The following TUSC3 variants were observed in gnomAD, a reference collection of about 807,000 sequenced individuals.
TUSC3 encodes dolichyl-diphosphooligosaccharide--protein glycosyltransferase subunit TUSC3.
A neutral mutation model predicts 44.8 loss-of-function variants in TUSC3; 45 were observed. That is an observed-to-expected ratio of 1.00 (90% CI 0.79 to 1.29). The LOEUF is 1.29. Ranked by LOEUF, TUSC3 falls within the 50% of genes most tolerant of loss-of-function variation. The pLI, the probability that TUSC3 is intolerant of heterozygous loss-of-function variation, is 0.00. For missense variants in TUSC3, 519 were observed against 437.9 expected (o/e 1.19, Z -1.65); for synonymous variants, 212 against 152.9 (o/e 1.39, Z -2.85).
intron 2 of TUSC3, among the ~76,000 whole-genome samples, chr8:15,530,280 C>T (rs773065871): frequency 2.6e-5 from 4 of 152,188 alleles, no homozygotes; most frequent in African/African-American, 9.6e-5. Context: ...CAGATGAGGA[C>T]TTTGCCTATC....
chr8:15,569,554 G>T (rs975818354), intron 1 of TUSC3, among the ~76,000 whole-genome samples: 1 of 152,108 alleles, frequency 6.6e-6, no homozygotes, highest in African/African-American at 2.4e-5. Context: ...TTTAGAAGGA[G>T]CGTGAGTAAA....
the TUSC3 span, among the ~76,000 whole-genome samples, chr8:15,819,813 G>A: frequency 7.4e-4 from 112 of 152,284 alleles, no homozygotes; most frequent in East Asian, 0.017. Context: ...TTCTAGAAAG[G>A]CTGAAATTTT....
intron 2 of TUSC3, among the ~76,000 whole-genome samples, chr8:15,641,757 G>T (rs1032580332): frequency 1.3e-5 from 2 of 152,164 alleles, no homozygotes; most frequent in East Asian, 3.9e-4. Flanking sequence ...AAATTCATGT[G>T]TTACCTATGT....
chr8:15,596,412 C>T (rs1804067321), intron 1 of TUSC3, among the ~76,000 whole-genome samples: 1 of 152,028 alleles, frequency 6.6e-6, no homozygotes, highest in Non-Finnish European at 1.5e-5. Context: ...AGCTAAAGAC[C>T]CTGTGTTCCT....
At chr8:15,804,575 G>A in the TUSC3 span, among the ~76,000 whole-genome samples, 2 of 152,142 alleles carry the variant, frequency 1.3e-5, no homozygotes, top group African/African-American at 4.8e-5. Context: ...TTATTGAATA[G>A]GGAGTACTTT....
chr8:15,566,223 CAT>C (rs1481806358), intron 1 of TUSC3, among the ~76,000 whole-genome samples: 4 of 152,080 alleles, frequency 2.6e-5, no homozygotes, highest in Non-Finnish European at 4.4e-5. Context: ...TAGACTAAAA[CAT>C]AGAATTCAGA....
intron 1 of TUSC3, among the ~76,000 whole-genome samples, chr8:15,608,704 T>G (rs1345191393): frequency 6.6e-6 from 1 of 152,158 alleles, no homozygotes; most frequent in Non-Finnish European, 1.5e-5. Flanking sequence ...TTGCTTTCAC[T>G]TCACTTCTCT....
intron 6 of TUSC3, among the ~76,000 whole-genome samples, chr8:15,689,919 G>A (rs1431018406): frequency 6.7e-6 from 1 of 149,340 alleles, no homozygotes; most frequent in African/African-American, 2.5e-5. Context: ...ACCATTGATG[G>A]ACATTTAGGT....
chr8:15,693,991 T>TA (rs1240015274), intron 6 of TUSC3, among the ~76,000 whole-genome samples: 1 of 152,154 alleles, frequency 6.6e-6, no homozygotes, highest in Admixed American at 6.5e-5. Context: ...CAGCTCAGTT[T>TA]AGTTCTTTGT....
At chr8:15,689,426 A>C (rs34918436) in intron 6 of TUSC3, 41,918 of 199,616 alleles carry the variant, frequency 0.21, 5,474 homozygotes, top group Non-Finnish European at 0.29. Flanking sequence ...TGTTCTTGAT[A>C]CCCATAGTCT....
intron 2 of TUSC3, among the ~76,000 whole-genome samples, chr8:15,634,146 T>C (rs1441305613): frequency 6.6e-6 from 1 of 152,214 alleles, no homozygotes; most frequent in Non-Finnish European, 1.5e-5. Flanking sequence ...ATTAAACTTT[T>C]GCATGAGAAG....
chr8:15,713,491 T>C (rs1809940573), intron 6 of TUSC3, among the ~76,000 whole-genome samples: 1 of 152,142 alleles, frequency 6.6e-6, no homozygotes, highest in Non-Finnish European at 1.5e-5. Flanking sequence ...AATAGATATA[T>C]TAGTTTGCTA....
At chr8:15,466,132 T>C (rs1330728591) in intron 1 of TUSC3, among the ~76,000 whole-genome samples, 1 of 152,174 alleles carries the variant, frequency 6.6e-6, no homozygotes, top group Non-Finnish European at 1.5e-5. Flanking sequence ...AAACAAACTG[T>C]AATGACCTCA....
intron 10 of TUSC3, among the ~76,000 whole-genome samples, chr8:15,763,716 G>C (rs765092295): frequency 6.6e-6 from 1 of 151,900 alleles, no homozygotes; most frequent in Non-Finnish European, 1.5e-5. Flanking sequence ...TGTTTCATCA[G>C]AAATTTTATG....
chr8:15,642,305 T>C (rs1007061600), intron 2 of TUSC3, among the ~76,000 whole-genome samples: 1 of 152,218 alleles, frequency 6.6e-6, no homozygotes, highest in African/African-American at 2.4e-5. Flanking sequence ...TGAATCTCTA[T>C]GCTTTTTATT....
At chr8:15,632,412 A>G (rs1045049362) in intron 2 of TUSC3, among the ~76,000 whole-genome samples, 1 of 152,172 alleles carries the variant, frequency 6.6e-6, no homozygotes, top group African/African-American at 2.4e-5. Context: ...CAGGAGGCCC[A>G]TAATATTAGC....
At chr8:15,430,398 T>C (rs1225765710) in intron 1 of TUSC3, among the ~76,000 whole-genome samples, 4 of 150,714 alleles carry the variant, frequency 2.7e-5, no homozygotes, top group Non-Finnish European at 5.9e-5. Context: ...TCTCAATAGA[T>C]GCAGAAAAGG....
At chr8:15,824,690 A>T in the TUSC3 span, among the ~76,000 whole-genome samples, 2 of 152,174 alleles carry the variant, frequency 1.3e-5, no homozygotes, top group Admixed American at 1.3e-4. Context: ...GCACACCAAC[A>T]TGTACACATA....
intron 6 of TUSC3, among the ~76,000 whole-genome samples, chr8:15,684,056 C>G (rs1008350981): frequency 6.9e-6 from 1 of 145,942 alleles, no homozygotes; most frequent in Admixed American, 6.9e-5. Context: ...GGATCTTAGT[C>G]GTGCTCTCCA....
Sources: gnomAD v4.1 joint callset for allele counts (sites outside exome capture counted in the v4.1 genomes callset) on GRCh38, gnomAD v4.1.1 for gene constraint, MANE v1.5 for transcripts, NCBI Gene and HGNC (gene_info 2026-07-23, HGNC 2026-07-21) for gene names.